WWOX: variants seen among roughly 807,000 people sequenced by gnomAD.
WWOX encodes the protein WW domain containing oxidoreductase.
In WWOX, 69 loss-of-function variants were observed where a neutral mutation model predicts 46.2. The ratio of observed to expected loss-of-function variants is 1.49; its 90% CI spans 1.23 to 1.82. WWOX has a LOEUF of 1.82. Among genes scored for constraint, WWOX ranks in the 40% most tolerant of loss-of-function variants. The probability of loss-of-function intolerance (pLI) is 0.00; values close to 1 mark genes in which losing one functional copy is unlikely to be tolerated. For missense variants in WWOX, 919 were observed against 542.6 expected, an observed-to-expected ratio of 1.69 and a Z score of -6.89; for synonymous variants, 359 against 202.6, an observed-to-expected ratio of 1.77 and a Z score of -6.56.
chr16:78,734,104 A>C (rs142657322), intron 8 of WWOX, among the ~76,000 whole-genome samples: 1 of 152,098 alleles, frequency 6.6e-6, no homozygotes, highest in African/African-American at 2.4e-5. Context: ...CCATCCGTCC[A>C]TCTATTCATA....
Position 79,052,323 on chromosome 16 carries a change from A to G in WWOX, c.1057-159285A>G, listed in dbSNP as rs144482247. Among the ~76,000 whole-genome samples the G allele has an allele frequency of 7.0e-4, 107 of 152,294 alleles. No homozygotes were observed. In the East Asian group the frequency reaches 0.018, roughly 26 times the overall value. Reference sequence around the variant, plus strand: ...TTTGTTCTTGCGATAGTTTACTGACAGTGATGATTTCCAATTTCATCCATG... The same window carrying G: ...TTTGTTCTTGCGATAGTTTACTGACGGTGATGATTTCCAATTTCATCCATG... On this transcript the variant is annotated intron_variant, in intron 8 of 8. Coordinates refer to ENST00000566780, the MANE Select transcript of WWOX (RefSeq NM_016373.4).
chr16:78,584,114 C>T (rs777142225), intron 8 of WWOX, among the ~76,000 whole-genome samples: 1 of 152,212 alleles, frequency 6.6e-6, no homozygotes, highest in Non-Finnish European at 1.5e-5. Flanking sequence ...CCACACTGGA[C>T]TGTAAGATCC....
At chr16:78,454,466 TC>T (rs769915008) in intron 8 of WWOX, among the ~76,000 whole-genome samples, 1 of 151,508 alleles carries the variant, frequency 6.6e-6, no homozygotes, top group Non-Finnish European at 1.5e-5. Flanking sequence ...CTGTTTTTTT[TC>T]CCCTAGGTTG....
intron 8 of WWOX, among the ~76,000 whole-genome samples, chr16:78,776,765 C>T (rs369891734): frequency 6.6e-6 from 1 of 151,998 alleles, no homozygotes; most frequent in Non-Finnish European, 1.5e-5. Context: ...CCTTACATGG[C>T]GGCAGGCAAG....
intron 8 of WWOX, among the ~76,000 whole-genome samples, chr16:78,441,399 C>A (rs1464180818): frequency 6.6e-6 from 1 of 152,112 alleles, no homozygotes; most frequent in Non-Finnish European, 1.5e-5. Flanking sequence ...ATCATTTATC[C>A]CTCTGAGGTA....
Position 78,998,015 on chromosome 16 carries a change from T to C in WWOX, c.1057-213593T>C, listed in dbSNP as rs375077711. Among the ~76,000 whole-genome samples the C allele has an allele frequency of 1.8e-4, 27 of 152,222 alleles. No individual in the cohort carries two copies. The East Asian group carries it at 2.9e-3, about 16-fold the overall frequency. On this transcript the variant is annotated intron_variant, in intron 8 of 8. Coordinates refer to ENST00000566780, the MANE Select transcript of WWOX (RefSeq NM_016373.4). ...CCTCAGCCTCCCGAGTAGCTGGGATTACAGGCATGCGCCACCATACCTAGC... is the reference window on the plus strand; with the variant it reads ...CCTCAGCCTCCCGAGTAGCTGGGATCACAGGCATGCGCCACCATACCTAGC...
At chr16:78,753,814 AAAAAAAAAAAAATAT>A (rs2049550255) in intron 8 of WWOX, among the ~76,000 whole-genome samples, 1 of 84,662 alleles carries the variant, frequency 1.2e-5, no homozygotes, top group African/African-American at 4.5e-5. Flanking sequence ...AAAAAAAAAA[AAAAAAAAAAAAATAT>A]ATATATATAT....
chr16:78,261,968 A>AAGAAAGCC (rs2079253964), intron 5 of WWOX, among the ~76,000 whole-genome samples: 1 of 151,154 alleles, frequency 6.6e-6, no homozygotes, highest in Non-Finnish European at 1.5e-5. Flanking sequence ...AGGCCTCATT[A>AAGAAAGCC]TATCTGAGTA....
rs890493566 is a variant in WWOX, at chr16:79,126,772, G to A, written c.1057-84836G>A. ...GTTAGACTAAGAAATTTAGACTCCA[G>A]CCTACATAAATTTAGACTCCATGCA... On this transcript the variant is annotated intron_variant, in intron 8 of 8. Coordinates refer to ENST00000566780, the MANE Select transcript of WWOX (RefSeq NM_016373.4). Among the ~76,000 whole-genome samples, 5 of 152,134 alleles carry A rather than the reference G, an allele frequency of 3.3e-5. No individual in the cohort carries two copies. In the East Asian group the frequency reaches 9.6e-4, roughly 29 times the overall value.
chr16:78,701,403 A>C (rs1284382423), intron 8 of WWOX, among the ~76,000 whole-genome samples: 2 of 151,908 alleles, frequency 1.3e-5, no homozygotes, highest in African/African-American at 4.8e-5. Flanking sequence ...GATCTTCTGA[A>C]GTCACCCCCT....
Position 78,113,494 on chromosome 16 carries a change from T to G in WWOX, c.231-1482T>G, listed in dbSNP as rs541784725. Among the ~76,000 whole-genome samples the G allele has an allele frequency of 3.8e-3, 581 of 152,332 alleles. 5 individuals are homozygous for G. Among genetic ancestry groups the G allele is most frequent in the African/African-American group, 0.014 (568 of 41,574 alleles). Reference sequence around the variant, plus strand: ...TACAGAAACAGGCAGTGGGCCAGATTTGGCCAGCTCCTGGTCTAATCTAGA... The same window carrying G: ...TACAGAAACAGGCAGTGGGCCAGATGTGGCCAGCTCCTGGTCTAATCTAGA... On this transcript the variant is annotated intron_variant, in intron 3 of 8. Coordinates refer to ENST00000566780, the MANE Select transcript of WWOX (RefSeq NM_016373.4).
chr16:78,838,220 G>A lies in WWOX; in HGVS notation c.1057-373388G>A, dbSNP rs189452963. Reference sequence around the variant, plus strand: ...AGCAGAGGGATGCAAAGCAGGGTACGTGGAGGGCTGTGCCTTGGTCATTCC... The same window carrying A: ...AGCAGAGGGATGCAAAGCAGGGTACATGGAGGGCTGTGCCTTGGTCATTCC... On this transcript the variant is annotated intron_variant, in intron 8 of 8. Transcript: ENST00000566780. 4.6e-5 allele frequency among the ~76,000 whole-genome samples: 7 copies of A among 152,238 alleles called. No homozygotes were observed. In the East Asian group the frequency reaches 9.7e-4, roughly 21 times the overall value.
At chr16:78,775,959 C>T (rs183818052) in intron 8 of WWOX, among the ~76,000 whole-genome samples, 9 of 152,300 alleles carry the variant, frequency 5.9e-5, no homozygotes, top group Admixed American at 4.6e-4. Context: ...ACGTAAGACC[C>T]TGTGATGACT....
At chr16:78,556,102 C>T (rs1214409112) in intron 8 of WWOX, among the ~76,000 whole-genome samples, 1 of 151,910 alleles carries the variant, frequency 6.6e-6, no homozygotes, top group Admixed American at 6.6e-5. Context: ...CCATAGGTAC[C>T]TAGAGGGTCA....
chr16:78,400,990 T>C (rs958598906), intron 6 of WWOX, among the ~76,000 whole-genome samples: 8 of 152,128 alleles, frequency 5.3e-5, no homozygotes, highest in Non-Finnish European at 1.2e-4. Context: ...GCCTGGCTAA[T>C]TTTTATTTTT....
chr16:78,614,435 C>G (rs920458222), intron 8 of WWOX, among the ~76,000 whole-genome samples: 43 of 152,246 alleles, frequency 2.8e-4, no homozygotes, highest in African/African-American at 1.0e-3. Context: ...CCTGAGGTAT[C>G]TCCTATACTC....
intron 8 of WWOX, among the ~76,000 whole-genome samples, chr16:78,857,022 A>G (rs142889282): frequency 9.5e-4 from 144 of 152,344 alleles, no homozygotes; most frequent in African/African-American, 3.4e-3. Context: ...ATTTGCATAT[A>G]CAAACATAGA....
intron 8 of WWOX, among the ~76,000 whole-genome samples, chr16:78,568,172 A>C (rs2044620825): frequency 6.6e-6 from 1 of 152,150 alleles, no homozygotes; most frequent in African/African-American, 2.4e-5. Flanking sequence ...ACTTTCACCA[A>C]AAATCATCCT....
intron 5 of WWOX, among the ~76,000 whole-genome samples, chr16:78,239,167 C>G (rs889710978): frequency 3.9e-5 from 6 of 152,222 alleles, no homozygotes; most frequent in Admixed American, 2.6e-4. Flanking sequence ...GCCTCAGCCT[C>G]CCCATTCTGC....
Sources: gnomAD v4.1 joint callset for allele counts (sites outside exome capture counted in the v4.1 genomes callset) on GRCh38, gnomAD v4.1.1 for gene constraint, MANE v1.5 for transcripts, NCBI Gene and HGNC (gene_info 2026-07-23, HGNC 2026-07-21) for gene names.